PATJ: variants seen among roughly 807,000 people sequenced by gnomAD.
PATJ encodes the protein PATJ crumbs cell polarity complex component.
In PATJ, 190 loss-of-function variants were observed where a neutral mutation model predicts 224.9. That is an observed-to-expected ratio of 0.84 (90% CI 0.75 to 0.95). The LOEUF (loss-of-function observed/expected upper bound fraction) is 0.95. PATJ is among the 40% of genes least tolerant of loss of function. The pLI is 0.00. For missense variants in PATJ, 2,121 were observed against 2,270.3 expected, an observed-to-expected ratio of 0.93 and a Z score of 1.34; for synonymous variants, 769 against 820.3, an observed-to-expected ratio of 0.94 and a Z score of 1.07.
At chr1:61,834,353 A>G (rs761707091) in intron 17 of PATJ, among the ~76,000 whole-genome samples, 5 of 152,124 alleles carry the variant, frequency 3.3e-5, no homozygotes, top group South Asian at 2.1e-4. Flanking sequence ...TATATATTGC[A>G]TTTATGTTAA....
intron 21 of PATJ, among the ~76,000 whole-genome samples, chr1:61,878,242 T>C (rs1204030508): frequency 6.6e-6 from 1 of 152,114 alleles, no homozygotes; most frequent in Non-Finnish European, 1.5e-5. Context: ...CTCCTCAGTG[T>C]CCTCAGTGAG....
intron 33 of PATJ, among the ~76,000 whole-genome samples, chr1:62,091,859 C>T (rs189821870): frequency 1.1e-4 from 17 of 152,080 alleles, no homozygotes; most frequent in African/African-American, 4.1e-4. Flanking sequence ...AGTTTTAAAC[C>T]AGCCTGGCCA....
At chr1:62,131,351 C>CA (rs989667320) in intron 41 of PATJ, among the ~76,000 whole-genome samples, 10 of 152,302 alleles carry the variant, frequency 6.6e-5, no homozygotes, top group African/African-American at 2.4e-4. Flanking sequence ...CCTTGAATTA[C>CA]AAAGACCTTA....
intron 31 of PATJ, among the ~76,000 whole-genome samples, chr1:62,064,781 T>G (rs916732442): frequency 3.9e-5 from 6 of 152,262 alleles, no homozygotes; most frequent in African/African-American, 1.4e-4. Flanking sequence ...TTGAACTGTA[T>G]GCTTAAAATC....
chr1:61,752,529 G>T (rs1645395941), intron 1 of PATJ, among the ~76,000 whole-genome samples: 1 of 152,006 alleles, frequency 6.6e-6, no homozygotes, highest in Admixed American at 6.6e-5. Context: ...GGCCAGGCTG[G>T]TCTCAAACTC....
chr1:61,755,074 G>A (rs529672101), intron 1 of PATJ, among the ~76,000 whole-genome samples: 4 of 152,080 alleles, frequency 2.6e-5, no homozygotes, highest in East Asian at 1.9e-4. Flanking sequence ...TTGGGAGGCC[G>A]AGGCGGGTTG....
intron 17 of PATJ, among the ~76,000 whole-genome samples, chr1:61,834,575 A>G (rs1659871963): frequency 6.6e-6 from 1 of 152,336 alleles, no homozygotes; most frequent in African/African-American, 2.4e-5. Context: ...TGCATATTTT[A>G]CTACTTTGGT....
At chr1:62,140,890 G>C (rs1244501683) in intron 41 of PATJ, among the ~76,000 whole-genome samples, 1 of 151,862 alleles carries the variant, frequency 6.6e-6, no homozygotes, top group African/African-American at 2.4e-5. Flanking sequence ...CCCTGGGTGA[G>C]AGAGCAAGAC....
intron 10 of PATJ, among the ~76,000 whole-genome samples, 187 bp from the exon 11 acceptor site, chr1:61,797,100 C>G (rs1651491669): frequency 6.6e-6 from 1 of 152,130 alleles, no homozygotes; most frequent in Admixed American, 6.6e-5. Context: ...CTCCTGACCT[C>G]AGGTGATCCA....
At chr1:62,138,934 A>G (rs1667215421) in intron 41 of PATJ, among the ~76,000 whole-genome samples, 1 of 151,754 alleles carries the variant, frequency 6.6e-6, no homozygotes, top group Non-Finnish European at 1.5e-5. Flanking sequence ...CCTCTCCTCT[A>G]TCCACTCTGA....
At chr1:62,152,131 T>G (rs1454904087) in intron 42 of PATJ, among the ~76,000 whole-genome samples, 5 of 152,190 alleles carry the variant, frequency 3.3e-5, no homozygotes, top group Admixed American at 1.3e-4. Context: ...CTGGGAAGTC[T>G]CAGATGACTA....
intron 43 of PATJ, among the ~76,000 whole-genome samples, chr1:62,154,419 A>G (rs1668951765): frequency 6.6e-6 from 1 of 152,038 alleles, no homozygotes; most frequent in African/African-American, 2.4e-5. Context: ...CTGTAATCCC[A>G]ACACTTTGGG....
At chr1:62,006,647 G>A (rs1178483870) in intron 28 of PATJ, among the ~76,000 whole-genome samples, 1 of 152,152 alleles carries the variant, frequency 6.6e-6, no homozygotes, top group African/African-American at 2.4e-5. Flanking sequence ...TTATAACTAA[G>A]TATCCCATCT....
In PATJ at chr1:62,018,746, C is replaced by G. The variant is rs1646914614; in HGVS notation, c.3959+799C>G. On this transcript the variant is annotated intron_variant, in intron 29 of 43. Coordinates refer to ENST00000642238, the MANE Select transcript of PATJ (RefSeq NM_001350145.3). The surrounding 1 kb of genome is among the most constrained non-coding windows in gnomAD (Gnocchi z 4.2). ...AAATTGAAAATGCTCAATACAACAT[C>G]TAGCATAGAGTAAGGGGTGAAAGAA... Among the ~76,000 whole-genome samples, 2 of 152,170 alleles carry G rather than the reference C, an allele frequency of 1.3e-5. No homozygotes were observed. Among genetic ancestry groups the G allele is most frequent in the Non-Finnish European group, 2.9e-5 (2 of 68,040 alleles).
At chr1:62,112,237 G>A (rs1399920988) in intron 34 of PATJ, among the ~76,000 whole-genome samples, 8 of 151,982 alleles carry the variant, frequency 5.3e-5, no homozygotes, top group Admixed American at 5.2e-4. Flanking sequence ...CGGGTGCGGT[G>A]GCTCACGCCT....
At chr1:61,967,848 C>T (rs1033825580) in intron 27 of PATJ, among the ~76,000 whole-genome samples, 2 of 152,144 alleles carry the variant, frequency 1.3e-5, no homozygotes, top group African/African-American at 2.4e-5. Context: ...CTTTCCCTCT[C>T]GTTTATCTTT....
intron 37 of PATJ, among the ~76,000 whole-genome samples, chr1:62,120,417 A>G (rs1350542301): frequency 6.6e-6 from 1 of 152,202 alleles, no homozygotes; most frequent in Non-Finnish European, 1.5e-5. Flanking sequence ...TTAGCTTAAA[A>G]TTTTGATGCA....
intron 41 of PATJ, among the ~76,000 whole-genome samples, chr1:62,134,078 A>G (rs1481671817): frequency 6.6e-6 from 1 of 151,658 alleles, no homozygotes; most frequent in Non-Finnish European, 1.5e-5. Context: ...GCTCCTAGGT[A>G]TTGGTGATGC....
At chr1:61,783,427 T>C (rs1195761386) in intron 7 of PATJ, among the ~76,000 whole-genome samples, 10 of 148,394 alleles carry the variant, frequency 6.7e-5, no homozygotes, top group East Asian at 2.0e-4. Context: ...TCTTTTCTTT[T>C]TTTTTTTTTT....
Sources: allele counts gnomAD v4.1 joint callset (sites outside exome capture counted in the v4.1 genomes callset), GRCh38; gene constraint gnomAD v4.1.1; non-coding constraint Gnocchi (gnomAD v3.1); transcripts MANE v1.5; gene names NCBI Gene and HGNC (gene_info 2026-07-23, HGNC 2026-07-21).